SEC61A2: variants seen among roughly 807,000 people sequenced by gnomAD.
SEC61A2 encodes the protein SEC61 translocon subunit alpha 2.
Under a neutral mutation model 59.9 loss-of-function variants are expected in SEC61A2, and 28 were observed. The observed-to-expected ratio is 0.47, with a 90% CI of 0.35 to 0.64. The LOEUF is 0.64. Among genes scored for constraint, SEC61A2 ranks in the 30% least tolerant of loss-of-function variants. SEC61A2 has a pLI of 0.01. For synonymous variants in SEC61A2, 202 were observed against 214.4 expected (o/e 0.94, Z 0.50); for missense variants, 340 against 585.9 (o/e 0.58, Z 4.33).
chr10:12,163,485 C>T (rs768749015), intron 11 of SEC61A2, among the ~76,000 whole-genome samples: 10 of 151,838 alleles, frequency 6.6e-5, no homozygotes, highest in Admixed American at 1.3e-4. Flanking sequence ...CCACCATGCC[C>T]GGCTAATTTT....
intron 1 of SEC61A2, among the ~76,000 whole-genome samples, chr10:12,131,570 A>G (rs1296924334): frequency 6.6e-6 from 1 of 150,672 alleles, no homozygotes; most frequent in Non-Finnish European, 1.5e-5. Flanking sequence ...ATGAAATGTA[A>G]TTGTTAATTC....
intron 4 of SEC61A2, among the ~76,000 whole-genome samples, chr10:12,146,761 G>A (rs183799152): frequency 2.1e-4 from 32 of 151,614 alleles, no homozygotes; most frequent in Middle Eastern, 3.4e-3. Context: ...CTTGTGATCC[G>A]CCCGCCTCAG....
At chr10:12,168,182 G>A (rs975875312), downstream of SEC61A2, among the ~76,000 whole-genome samples, 8 of 151,984 alleles carry the variant, frequency 5.3e-5, no homozygotes, top group Admixed American at 2.6e-4. The surrounding 1 kb of genome is among the most constrained non-coding windows in gnomAD (Gnocchi z 4.8). Flanking sequence ...ACGCCACCAC[G>A]CCCAGCTAAT....
rs1268407695 is a variant in SEC61A2 at position 12,164,623 on chromosome 10, G to C, written c.*169G>C. The stretch of plus-strand genomic sequence containing the variant: ...CGAGCTAAGTCTGTGTGCAGCATTA[G>C]TACCCGCTGCCTTAAAACTCAAGTT... On this transcript the variant is annotated 3_prime_UTR_variant, in exon 12 of 12. Transcript: ENST00000298428. The surrounding 1 kb of genome is among the most constrained non-coding windows in gnomAD (Gnocchi z 7.3). The C allele has an allele frequency of 7.1e-7, 1 of 1,409,724 alleles. No homozygotes were observed. Among genetic ancestry groups the C allele is most frequent in the African/African-American group, 1.5e-5 (1 of 67,904 alleles). The allele number at this position is 1,409,724 out of a possible 1,614,324, so 87.3% of individuals were successfully genotyped here. A position where few individuals can be genotyped will look rare whatever the true frequency, so the allele number is the denominator to read the frequency against.
At chr10:12,151,579 G>A (rs1210756124) in intron 6 of SEC61A2, among the ~76,000 whole-genome samples, 1 of 152,042 alleles carries the variant, frequency 6.6e-6, no homozygotes, top group East Asian at 1.9e-4. Context: ...CAAAGTGCTG[G>A]GATTACAGGC....
chr10:12,162,812 CCA>C lies in SEC61A2; in HGVS notation c.1244+524_1244+525del, dbSNP rs1333775578. Among the ~76,000 whole-genome samples, 1 of 152,080 alleles carries C rather than the reference CCA, an allele frequency of 6.6e-6. No individual in the cohort carries two copies. The highest frequency in any genetic ancestry group is 1.5e-5 in the Non-Finnish European group (1 of 68,020). On this transcript the variant is annotated intron_variant, in intron 11 of 11. Transcript: ENST00000298428. The surrounding 1 kb of genome is among the most constrained non-coding windows in gnomAD (Gnocchi z 6.1). ...TAGCCCACCTTCCCAACCACCAGCC[CCA>C]GACAGCCACTTTTAACTTTGTCTCT...
chr10:12,151,374 C>G (rs949311653), intron 6 of SEC61A2, among the ~76,000 whole-genome samples: 2 of 149,360 alleles, frequency 1.3e-5, no homozygotes, highest in African/African-American at 2.5e-5. Flanking sequence ...TGCAGTGGCA[C>G]GATCTCGGCT....
chr10:12,157,474 G>T (rs11257570), intron 8 of SEC61A2, among the ~76,000 whole-genome samples: 61,880 of 147,876 alleles, frequency 0.42, 13,330 homozygotes, highest in Non-Finnish European at 0.49. Flanking sequence ...TAGCTGAGAT[G>T]ACAGGCACGT....
chr10:12,165,454 C>T, downstream of SEC61A2: 2 of 747,476 alleles, frequency 2.7e-6, no homozygotes, highest in Non-Finnish European at 3.3e-6. Context: ...CATAAGAAGT[C>T]CACCCTGAGA....
chr10:12,162,096 C>A lies in SEC61A2; in HGVS notation c.1168-117C>A. ...TAATGCGAATGATATGACAATGCAA[C>A]TTTCAGGTTATTGTATGTTACGTGT... On this transcript the variant is annotated intron_variant, in intron 10 of 11. Transcript: ENST00000298428. This position sits in a 1 kb window ranked among gnomAD's most constrained non-coding sequence, Gnocchi z 6.1. 2.5e-6 allele frequency: 2 copies of A among 791,296 alleles called. No homozygotes were observed. The highest frequency in any genetic ancestry group is 4.4e-6 in the Non-Finnish European group (2 of 458,018). The allele number at this position is 791,296 out of a possible 1,614,324, so 49.0% of individuals were successfully genotyped here. A position where few individuals can be genotyped will look rare whatever the true frequency, so the allele number is the denominator to read the frequency against.
intron 3 of SEC61A2, among the ~76,000 whole-genome samples, chr10:12,136,946 A>G (rs1443272300): frequency 1.3e-5 from 2 of 151,736 alleles, no homozygotes; most frequent in Non-Finnish European, 2.9e-5. Context: ...TTGTATTTTT[A>G]GTAGAGATGG....
In SEC61A2 at chr10:12,158,850, G is replaced by A. The variant is rs1386961571; in HGVS notation, c.975+745G>A. Among the ~76,000 whole-genome samples the A allele has an allele frequency of 6.6e-6, 1 of 152,192 alleles. No homozygotes were observed. The highest frequency in any genetic ancestry group is 1.5e-5 in the Non-Finnish European group (1 of 68,036). On this transcript the variant is annotated intron_variant, in intron 9 of 11. Coordinates refer to ENST00000298428, the MANE Select transcript of SEC61A2 (RefSeq NM_018144.4). The surrounding 1 kb of genome is among the most constrained non-coding windows in gnomAD (Gnocchi z 5.7). ...CTCCTCCATTTTTCATGGTCTGAAT[G>A]GCAATAAGCCAGCTTGTGATGAGCT... is the stretch of plus-strand genomic sequence containing the variant.
At chr10:12,136,882 A>G (rs538831817) in intron 3 of SEC61A2, among the ~76,000 whole-genome samples, 29 of 152,212 alleles carry the variant, frequency 1.9e-4, no homozygotes, top group Non-Finnish European at 5.9e-5. Context: ...CACCTTCTTC[A>G]GCCTCCCAAA....
At position 12,145,703 on chromosome 10, in the gene SEC61A2, G is replaced by A. The variant is rs535783309; in HGVS notation, c.220+2508G>A. On this transcript the variant is annotated intron_variant, in intron 4 of 11. Coordinates refer to ENST00000298428, the MANE Select transcript of SEC61A2 (RefSeq NM_018144.4). This position sits in a 1 kb window ranked among gnomAD's most constrained non-coding sequence, Gnocchi z 4.4. ...GTAGATGTGATGATTGGATCTTCAC[G>A]CTCGTGTGTGAGATGTGCCTCTCTC... Among the ~76,000 whole-genome samples the A allele has an allele frequency of 2.0e-5, 3 of 152,274 alleles. No individual in the cohort carries two copies. The highest frequency in any genetic ancestry group is 4.2e-4 in the South Asian group (2 of 4,812).
chr10:12,146,204 A>G (rs1255539360), intron 4 of SEC61A2, among the ~76,000 whole-genome samples: 1 of 152,080 alleles, frequency 6.6e-6, no homozygotes. Context: ...TATTTTTAGT[A>G]GAGATGGGGT....
At chr10:12,132,450 G>A (rs1468405713) in intron 1 of SEC61A2, among the ~76,000 whole-genome samples, 1 of 150,748 alleles carries the variant, frequency 6.6e-6, no homozygotes, top group African/African-American at 2.5e-5. Flanking sequence ...CCCATCTCTA[G>A]TAAAAATAAA....
chr10:12,139,434 G>A (rs1220711316), intron 3 of SEC61A2, among the ~76,000 whole-genome samples: 1 of 151,528 alleles, frequency 6.6e-6, no homozygotes, highest in African/African-American at 2.4e-5. Context: ...TGAATCACCT[G>A]AGGTTGGGAG....
chr10:12,143,255 G>T lies in SEC61A2; in HGVS notation c.220+60G>T. On this transcript the variant is annotated intron_variant, in intron 4 of 11. Transcript: ENST00000298428. The surrounding 1 kb of genome is among the most constrained non-coding windows in gnomAD (Gnocchi z 4.8). The stretch of plus-strand genomic sequence containing the variant: ...CACAGCAAACAGATGGAAACATGTG[G>T]ATTAGCAATGAGTTTTCAATGTCTA... The T allele has an allele frequency of 8.2e-7, 1 of 1,221,070 alleles. No individual in the cohort carries two copies. 75.6% of individuals were successfully genotyped at this position (1,221,070 alleles called of 1,614,324 possible).
At position 12,162,337 on chromosome 10, in the gene SEC61A2, G is replaced by A. The variant is rs1449781776; in HGVS notation, c.1244+48G>A. ...TTTATAGGCCTGTGTTTGTGTTTCA[G>A]TCTTTCAGTGTTGGCTAAATGTTTT... is the stretch of plus-strand genomic sequence containing the variant. On this transcript the variant is annotated intron_variant, in intron 11 of 11. Coordinates refer to ENST00000298428, the MANE Select transcript of SEC61A2 (RefSeq NM_018144.4). The surrounding 1 kb of genome is among the most constrained non-coding windows in gnomAD (Gnocchi z 6.1). The A allele has an allele frequency of 7.1e-7, 1 of 1,412,804 alleles. No individual in the cohort carries two copies. The highest frequency in any genetic ancestry group is 1.4e-5 in the African/African-American group (1 of 71,128). 87.5% of individuals were successfully genotyped at this position (1,412,804 alleles called of 1,614,324 possible). A position where few individuals can be genotyped will look rare whatever the true frequency, so the allele number is the denominator to read the frequency against.
Sources: gnomAD v4.1 joint callset for allele counts (sites outside exome capture counted in the v4.1 genomes callset) on GRCh38, gnomAD v4.1.1 for gene constraint, Gnocchi (gnomAD v3.1) non-coding constraint, MANE v1.5 for transcripts, NCBI Gene and HGNC (gene_info 2026-07-23, HGNC 2026-07-21) for gene names.